Variants in NADK observed in about 807,000 individuals in gnomAD.
NADK encodes the protein NAD kinase.
Under a neutral mutation model 49.8 loss-of-function variants are expected in NADK, and 22 were observed. That is an observed-to-expected ratio of 0.44 (90% CI 0.32 to 0.63). The LOEUF (loss-of-function observed/expected upper bound fraction) is 0.63. Among genes scored for constraint, NADK ranks in the 30% least tolerant of loss-of-function variants. The probability of loss-of-function intolerance (pLI) is 0.06; values close to 1 mark genes in which losing one functional copy is unlikely to be tolerated. For synonymous variants in NADK, 268 were observed against 253.7 expected (o/e 1.06, Z -0.54); for missense variants, 438 against 609.4 (o/e 0.72, Z 2.96).
Position 1,757,208 on chromosome 1 carries a change from G to C in NADK, c.366C>G (p.Phe122Leu). Residue 122 changes from phenylalanine to leucine, a missense_variant, in exon 4 of 12, where the codon TTC (phenylalanine) becomes TTG (leucine). Phe to Leu is a conservative substitution (Grantham distance 22). Coordinates refer to ENST00000341426, the MANE Select transcript of NADK (RefSeq NM_023018.5). The stretch of plus-strand genomic sequence containing the variant: ...CCATGAGGTGCGTGCAGAGCTCCTT[G>C]AACGGCTGCAGTAGGCTGGCATCTC... ...KMRDASLLQP[F>L]KELCTHLMEE... The C allele has an allele frequency of 6.2e-7, 1 of 1,607,252 alleles. No individual in the cohort carries two copies. Among genetic ancestry groups the C allele is most frequent in the Non-Finnish European group, 8.5e-7 (1 of 1,178,230 alleles).
intron 1 of NADK, among the ~76,000 whole-genome samples, chr1:1,775,974 C>A (rs757494758): frequency 6.6e-6 from 1 of 152,130 alleles, no homozygotes; most frequent in African/African-American, 2.4e-5. Flanking sequence ...CAGGTATATA[C>A]GGACTAGAAA....
chr1:1,763,949 C>T (rs2100335908), intron 2 of NADK, among the ~76,000 whole-genome samples: 1 of 152,336 alleles, frequency 6.6e-6, no homozygotes, highest in South Asian at 2.1e-4. Flanking sequence ...CACGCAGTCA[C>T]TGCGCTGGGG....
At chr1:1,780,370 G>GT (rs1329552192), upstream of NADK, 5 of 152,344 alleles carry the variant, frequency 3.3e-5, no homozygotes, top group East Asian at 9.6e-4. Context: ...AGTGACTGTC[G>GT]TGGGCCCCAG....
chr1:1,752,875 A>G lies in NADK; in HGVS notation c.*29T>C, dbSNP rs1340622081. On this transcript the variant is annotated 3_prime_UTR_variant, in exon 12 of 12. Transcript: ENST00000341426. ...CCAGAGGGCGCTTGGAGGGCAGCGG[A>G]AGGATTCGGGCCTGGATAGGGGCTT... 6.2e-7 allele frequency: 1 copy of G among 1,600,520 alleles called. No homozygotes were observed. Among genetic ancestry groups the G allele is most frequent in the South Asian group, 1.1e-5 (1 of 89,786 alleles).
chr1:1,765,540 G>C (rs1645860067), intron 1 of NADK, 94 bp from the exon 2 acceptor site: 2 of 615,050 alleles, frequency 3.3e-6, no homozygotes, highest in South Asian at 8.5e-5. Flanking sequence ...TTCATCAAGG[G>C]GAAAAAATGG....
chr1:1,768,171 CAAAAA>C (rs1186857370), intron 1 of NADK, among the ~76,000 whole-genome samples: 1 of 95,580 alleles, frequency 1.0e-5, no homozygotes, highest in Admixed American at 1.2e-4. Context: ...AACTCCGTCT[CAAAAA>C]AAAAAAAAAA....
At chr1:1,757,815 T>A (rs1014161955) in intron 3 of NADK, among the ~76,000 whole-genome samples, 2 of 152,028 alleles carry the variant, frequency 1.3e-5, no homozygotes, top group African/African-American at 2.4e-5. Context: ...AAGGACCCGC[T>A]TCCCCCCCTG....
intron 1 of NADK, among the ~76,000 whole-genome samples, chr1:1,772,063 C>G (rs540805743): frequency 1.3e-5 from 2 of 152,026 alleles, no homozygotes; most frequent in African/African-American, 4.8e-5. Flanking sequence ...CCCACCTTGG[C>G]CTTCCAAAGT....
At chr1:1,771,256 T>C (rs1646045157) in intron 1 of NADK, among the ~76,000 whole-genome samples, 1 of 151,684 alleles carries the variant, frequency 6.6e-6, no homozygotes, top group African/African-American at 2.4e-5. Context: ...GAAACCTAAA[T>C]AAATGGAGAG....
intron 10 of NADK, 133 bp downstream of exon 10, chr1:1,753,918 G>C (rs1260893418): frequency 1.3e-5 from 15 of 1,191,448 alleles, no homozygotes; most frequent in Non-Finnish European, 1.6e-5. Flanking sequence ...AGGGGGCACA[G>C]GATGGCCCTA....
chr1:1,771,232 G>C (rs1013751990), intron 1 of NADK, among the ~76,000 whole-genome samples: 2 of 151,710 alleles, frequency 1.3e-5, no homozygotes, highest in Non-Finnish European at 2.9e-5. Flanking sequence ...AAATATTGCT[G>C]ACAGAGATGA....
At chr1:1,755,021 C>T (rs1570504206) in intron 7 of NADK, 2 of 387,962 alleles carry the variant, frequency 5.2e-6, no homozygotes, top group South Asian at 3.0e-5. Context: ...GGGGTTTCAC[C>T]GTGTTGGCCA....
rs1645436787 is a variant in NADK, at chr1:1,754,297, CG to C, written c.929del (p.Thr310ArgfsTer7). On this transcript the variant is annotated frameshift_variant, in exon 9 of 12. Coordinates refer to ENST00000341426, the MANE Select transcript of NADK (RefSeq NM_023018.5). LOFTEE classifies it high-confidence loss of function. The surrounding 1 kb of genome is among the most constrained non-coding windows in gnomAD (Gnocchi z 4.3). The stretch of plus-strand genomic sequence containing the variant: ...TGCGGGCCTTACCGTCGCCCTGCAC[CG>C]TGGTGATGAGGTGTCCGTCCAGGTA... ...DVYLDGHLIT[T>X]VQGDGVIVST... 1 of 1,613,638 alleles carries C rather than the reference CG, an allele frequency of 6.2e-7. No individual in the cohort carries two copies. The highest frequency in any genetic ancestry group is 8.5e-7 in the Non-Finnish European group (1 of 1,179,956).
chr1:1,773,508 T>C (rs1331411230), intron 1 of NADK, among the ~76,000 whole-genome samples: 1 of 150,312 alleles, frequency 6.7e-6, no homozygotes, highest in East Asian at 2.0e-4. Context: ...CCCAGCACTT[T>C]GGGAGGCCGA....
intron 1 of NADK, among the ~76,000 whole-genome samples, chr1:1,776,219 G>A (rs146651323): frequency 4.1e-4 from 63 of 152,180 alleles, no homozygotes; most frequent in Non-Finnish European, 4.9e-4. Flanking sequence ...ATTGTTTTCC[G>A]TTTTCATCAC....
At chr1:1,761,447 T>C (rs1645722845) in intron 3 of NADK, among the ~76,000 whole-genome samples, 2 of 152,182 alleles carry the variant, frequency 1.3e-5, no homozygotes. Flanking sequence ...TCTTTACACA[T>C]AAAACACAGA....
intron 3 of NADK, chr1:1,759,897 G>A: frequency 6.4e-7 from 1 of 1,550,700 alleles, no homozygotes; most frequent in Non-Finnish European, 8.7e-7. Context: ...TGACAAAGGA[G>A]TGGCTCTGCC....
chr1:1,759,294 C>A, intron 3 of NADK: 1 of 1,499,154 alleles, frequency 6.7e-7, no homozygotes, highest in South Asian at 1.3e-5. Flanking sequence ...GTGGGTACTG[C>A]ACGGAGAGGG....
At chr1:1,756,420 G>C in intron 5 of NADK, 77 bp from the exon 6 acceptor site, 1 of 1,609,606 alleles carries the variant, frequency 6.2e-7, no homozygotes, top group Non-Finnish European at 8.5e-7. Flanking sequence ...AGACACCAAT[G>C]ACAAGGGCAA....
Sources: gnomAD v4.1 joint callset for allele counts (sites outside exome capture counted in the v4.1 genomes callset) on GRCh38, gnomAD v4.1.1 for gene constraint, Gnocchi (gnomAD v3.1) non-coding constraint, MANE v1.5 for transcripts, NCBI Gene and HGNC (gene_info 2026-07-23, HGNC 2026-07-21) for gene names.